Variants in PCSK5 observed in about 807,000 individuals in gnomAD.
The protein encoded by PCSK5 is proprotein convertase subtilisin/kexin type 5.
Under a neutral mutation model 233.2 loss-of-function variants are expected in PCSK5, and 129 were observed. That is an observed-to-expected ratio of 0.55 (90% CI 0.48 to 0.64). The LOEUF (loss-of-function observed/expected upper bound fraction) is 0.64. PCSK5 is among the 30% of genes least tolerant of loss of function. The probability of loss-of-function intolerance (pLI) is 0.00; values close to 1 mark genes in which losing one functional copy is unlikely to be tolerated. For synonymous variants in PCSK5, 825 were observed against 879.2 expected (o/e 0.94, Z 1.09); for missense variants, 2,076 against 2,430.1 (o/e 0.85, Z 3.06).
intron 1 of PCSK5, among the ~76,000 whole-genome samples, chr9:75,931,632 T>A (rs1823804944): frequency 6.6e-6 from 1 of 152,232 alleles, no homozygotes; most frequent in African/African-American, 2.4e-5. Flanking sequence ...CTAGTTTGCT[T>A]TCCCAAAGTG....
intron 24 of PCSK5, among the ~76,000 whole-genome samples, chr9:76,247,767 A>G (rs1361136692): frequency 6.6e-6 from 1 of 151,324 alleles, no homozygotes; most frequent in Non-Finnish European, 1.5e-5. Flanking sequence ...GGACTTCACT[A>G]GCTATATCTT....
chr9:76,115,301 C>T (rs1277113144), intron 9 of PCSK5, among the ~76,000 whole-genome samples: 1 of 152,008 alleles, frequency 6.6e-6, no homozygotes, highest in African/African-American at 2.4e-5. Flanking sequence ...GCAAAAAGTG[C>T]CTACCCGGAG....
intron 24 of PCSK5, among the ~76,000 whole-genome samples, chr9:76,284,596 G>A (rs1485781955): frequency 1.4e-5 from 2 of 144,996 alleles, no homozygotes; most frequent in Non-Finnish European, 3.0e-5. Flanking sequence ...GCAATGGCGC[G>A]ATCTCAGCTC....
At chr9:76,291,413 C>T (rs1268343237) in intron 24 of PCSK5, among the ~76,000 whole-genome samples, 2 of 152,202 alleles carry the variant, frequency 1.3e-5, no homozygotes, top group African/African-American at 4.8e-5. Context: ...TGTCTTTCAT[C>T]TCCTATTAAA....
At chr9:76,270,472 A>G (rs899635675) in intron 24 of PCSK5, among the ~76,000 whole-genome samples, 2 of 152,118 alleles carry the variant, frequency 1.3e-5, no homozygotes, top group Admixed American at 6.6e-5. Flanking sequence ...TCTCCAAAGG[A>G]TTGTTCTGTT....
chr9:76,229,223 T>A (rs565067774), intron 21 of PCSK5, among the ~76,000 whole-genome samples: 67 of 152,326 alleles, frequency 4.4e-4, no homozygotes, highest in African/African-American at 1.5e-3. Flanking sequence ...CAAAATGAGG[T>A]TCTGTTTTTT....
At chr9:76,198,394 T>C (rs749878766) in intron 20 of PCSK5, among the ~76,000 whole-genome samples, 7 of 152,174 alleles carry the variant, frequency 4.6e-5, no homozygotes, top group Non-Finnish European at 8.8e-5. Context: ...AAAAATACAG[T>C]GTTTTAAGCT....
At chr9:75,980,693 C>T (rs1826235283) in intron 2 of PCSK5, among the ~76,000 whole-genome samples, 1 of 151,348 alleles carries the variant, frequency 6.6e-6, no homozygotes, top group Non-Finnish European at 1.5e-5. Context: ...AGATGGAACA[C>T]AATGTAAAGT....
chr9:76,272,723 C>G (rs551913691), intron 24 of PCSK5, among the ~76,000 whole-genome samples: 2 of 133,304 alleles, frequency 1.5e-5, no homozygotes, highest in African/African-American at 5.7e-5. Context: ...TGCAGTGAGC[C>G]GAGATCACGC....
intron 2 of PCSK5, among the ~76,000 whole-genome samples, chr9:75,936,950 G>A (rs907810971): frequency 2.7e-5 from 4 of 148,858 alleles, no homozygotes; most frequent in East Asian, 2.1e-4. Flanking sequence ...GAATGATGTC[G>A]TGTTAGCAGG....
At chr9:75,942,414 C>T (rs1824353458) in intron 2 of PCSK5, among the ~76,000 whole-genome samples, 1 of 152,214 alleles carries the variant, frequency 6.6e-6, no homozygotes, top group South Asian at 2.1e-4. Context: ...GATGATTTCT[C>T]TTTGGTCTGA....
At chr9:76,003,877 C>T (rs1339242) in intron 3 of PCSK5, among the ~76,000 whole-genome samples, 59,264 of 151,900 alleles carry the variant, frequency 0.39, 12,090 homozygotes, top group Non-Finnish European at 0.46. Context: ...GGTGTGATCA[C>T]GGCTCACTGC....
chr9:76,245,210 A>G (rs1319573985), intron 24 of PCSK5, among the ~76,000 whole-genome samples: 3 of 152,192 alleles, frequency 2.0e-5, no homozygotes, highest in Non-Finnish European at 4.4e-5. Flanking sequence ...TTTCTACCTC[A>G]TCAATAAATA....
chr9:75,911,489 A>G (rs1822736896), intron 1 of PCSK5, among the ~76,000 whole-genome samples: 1 of 152,184 alleles, frequency 6.6e-6, no homozygotes, highest in Non-Finnish European at 1.5e-5. Flanking sequence ...CTGAAGATGC[A>G]GCAGTGCATA....
chr9:76,348,597 C>CA (rs112092258), intron 35 of PCSK5, among the ~76,000 whole-genome samples: 70 of 145,712 alleles, frequency 4.8e-4, no homozygotes, highest in African/African-American at 7.6e-4. Context: ...GATTCCACCT[C>CA]AAAAAAAAAA....
chr9:76,074,303 A>G (rs563967881), intron 7 of PCSK5, among the ~76,000 whole-genome samples: 2 of 152,332 alleles, frequency 1.3e-5, no homozygotes, highest in East Asian at 3.9e-4. Flanking sequence ...GAGTATAGAG[A>G]TACCATAATT....
chr9:75,997,793 T>C (rs1827085582), intron 3 of PCSK5, among the ~76,000 whole-genome samples: 1 of 152,194 alleles, frequency 6.6e-6, no homozygotes, highest in African/African-American at 2.4e-5. Context: ...TCTTTCTTTA[T>C]GCTAAAAAAA....
intron 24 of PCSK5, among the ~76,000 whole-genome samples, chr9:76,277,591 C>A (rs1011358065): frequency 6.6e-6 from 1 of 152,198 alleles, no homozygotes; most frequent in African/African-American, 2.4e-5. Flanking sequence ...CTGTCAGTTG[C>A]ACCATTTGCA....
At chr9:76,196,330 G>T (rs1445233993) in intron 20 of PCSK5, among the ~76,000 whole-genome samples, 1 of 152,244 alleles carries the variant, frequency 6.6e-6, no homozygotes, top group Non-Finnish European at 1.5e-5. Context: ...GAGGAAGGTG[G>T]CTTTGTTCAA....
Sources: allele counts gnomAD v4.1 joint callset (sites outside exome capture counted in the v4.1 genomes callset), GRCh38; gene constraint gnomAD v4.1.1; transcripts MANE v1.5; gene names NCBI Gene and HGNC (gene_info 2026-07-23, HGNC 2026-07-21).